CC2D2A: variants seen among roughly 807,000 people sequenced by gnomAD.
The protein encoded by CC2D2A is coiled-coil and C2 domain containing 2A.
A neutral mutation model predicts 212.9 loss-of-function variants in CC2D2A; 155 were observed. The ratio of observed to expected loss-of-function variants is 0.73; its 90% CI spans 0.64 to 0.83. The LOEUF (loss-of-function observed/expected upper bound fraction) is 0.83. Among genes scored for constraint, CC2D2A ranks in the 40% least tolerant of loss-of-function variants. The probability of loss-of-function intolerance (pLI) is 0.00; values close to 1 mark genes in which losing one functional copy is unlikely to be tolerated. For synonymous variants in CC2D2A, 667 were observed against 686.5 expected, an observed-to-expected ratio of 0.97 and a Z score of 0.44; for missense variants, 1,856 against 1,956.2, an observed-to-expected ratio of 0.95 and a Z score of 0.97.
At chr4:15,564,897 G>A (rs965918627) in intron 24 of CC2D2A, among the ~76,000 whole-genome samples, 2 of 151,954 alleles carry the variant, frequency 1.3e-5, no homozygotes, top group Non-Finnish European at 2.9e-5. Flanking sequence ...GGGTGGTCTC[G>A]GACTCCTGGC....
At chr4:15,582,037 G>A (rs558603865) in intron 30 of CC2D2A, among the ~76,000 whole-genome samples, 38 of 152,296 alleles carry the variant, frequency 2.5e-4, no homozygotes, top group African/African-American at 8.7e-4. Flanking sequence ...ATTATTGGAT[G>A]TAAAATATAA....
intron 6 of CC2D2A, among the ~76,000 whole-genome samples, chr4:15,503,933 G>C (rs10939618): frequency 0.94 from 143,454 of 152,242 alleles, 67,686 homozygotes; most frequent in African/African-American, 0.99. Flanking sequence ...AAAAGAAACA[G>C]AGAGATTTCA....
At chr4:15,544,994 T>C (rs1225856752) in intron 17 of CC2D2A, among the ~76,000 whole-genome samples, 5 of 152,222 alleles carry the variant, frequency 3.3e-5, no homozygotes, top group Non-Finnish European at 5.9e-5. Context: ...ACTAAGTTCT[T>C]AAGCTATTTA....
intron 4 of CC2D2A, among the ~76,000 whole-genome samples, chr4:15,500,404 A>T (rs1715879119): frequency 6.6e-6 from 1 of 152,092 alleles, no homozygotes; most frequent in South Asian, 2.1e-4. Flanking sequence ...AATCTACCAT[A>T]GTTATATTAT....
chr4:15,601,408 C>A lies in CC2D2A; in HGVS notation c.4846C>A (p.Leu1616Ile). The A allele has an allele frequency of 6.7e-7, 1 of 1,501,270 alleles. No individual in the cohort carries two copies. Among genetic ancestry groups the A allele is most frequent in the Non-Finnish European group, 8.9e-7 (1 of 1,120,354 alleles). 93.0% of individuals were successfully genotyped at this position (1,501,270 alleles called of 1,614,324 possible). Residue 1616 changes from leucine to isoleucine, a missense_variant, in exon 37 of 37, where the codon CTT (leucine) becomes ATT (isoleucine). Coordinates refer to ENST00000424120, the MANE Select transcript of CC2D2A (RefSeq NM_001378615.1). ...VLSVWIYVASLIRNR is the reference protein window; with the variant it reads ...VLSVWIYVASIIRNR ...GTCTGTTTGGATCTATGTTGCCTCT[C>A]TTATACGCAACAGGTAATTTTTTTC...
At chr4:15,502,963 A>G (rs752076497) in intron 6 of CC2D2A, 40 bp downstream of exon 6, 1 of 1,486,846 alleles carries the variant, frequency 6.7e-7, no homozygotes, top group South Asian at 1.3e-5. Flanking sequence ...AAAACCAGTA[A>G]AGCAGAATAT....
At chr4:15,573,999 G>A (rs568109308) in intron 28 of CC2D2A, 151 bp from the exon 29 acceptor site, 1 of 611,476 alleles carries the variant, frequency 1.6e-6, no homozygotes, top group East Asian at 2.8e-5. Flanking sequence ...CGAGTGCTTA[G>A]AGAGATGAGA....
At chr4:15,478,079 T>G (rs1714350951) in intron 2 of CC2D2A, among the ~76,000 whole-genome samples, 1 of 152,262 alleles carries the variant, frequency 6.6e-6, no homozygotes, top group Non-Finnish European at 1.5e-5. Flanking sequence ...TAAAACATTT[T>G]AGAGCTCGTA....
chr4:15,508,817 C>A (rs537961243), intron 6 of CC2D2A, among the ~76,000 whole-genome samples: 1 of 152,320 alleles, frequency 6.6e-6, no homozygotes, highest in South Asian at 2.1e-4. Flanking sequence ...AAATAATTCT[C>A]TGTCCATATA....
chr4:15,547,006 T>C (rs1718745730), intron 17 of CC2D2A, among the ~76,000 whole-genome samples: 1 of 151,918 alleles, frequency 6.6e-6, no homozygotes, highest in South Asian at 2.1e-4. Context: ...ATGGGAGAAT[T>C]CCCATTAAAA....
Position 15,601,095 on chromosome 4 carries a change from T to G in CC2D2A, c.4675-142T>G, listed in dbSNP as rs770604853. 2.4e-5 allele frequency: 17 copies of G among 701,188 alleles called. 1 individual carries two copies. Among genetic ancestry groups the G allele is most frequent in the Non-Finnish European group, 3.5e-5 (15 of 422,950 alleles). 43.4% of individuals were successfully genotyped at this position (701,188 alleles called of 1,614,324 possible). ...ATTAAGCAGCTCTCGATTTTCTGTA[T>G]TGCTAATAAAAAGCTGAGTAGAAAA... On this transcript the variant is annotated intron_variant, in intron 36 of 36. Transcript: ENST00000424120.
chr4:15,595,868 G>A (rs1172589391), intron 33 of CC2D2A: 6 of 351,440 alleles, frequency 1.7e-5, no homozygotes, highest in Non-Finnish European at 3.1e-5. Context: ...CCCAACTTCA[G>A]ATAAAAAATG....
chr4:15,585,382 A>C (rs1450177393), intron 30 of CC2D2A, among the ~76,000 whole-genome samples: 3 of 152,232 alleles, frequency 2.0e-5, no homozygotes, highest in Non-Finnish European at 4.4e-5. Context: ...AAGTGAAATA[A>C]GCCAGGACAG....
At chr4:15,519,345 A>C (rs1269218355) in intron 11 of CC2D2A, 1 of 414,350 alleles carries the variant, frequency 2.4e-6, no homozygotes, top group Non-Finnish European at 4.7e-6. Context: ...TTCATTGTCC[A>C]TATTATTATC....
At chr4:15,567,182 C>T (rs1202058131) in intron 24 of CC2D2A, among the ~76,000 whole-genome samples, 195 bp from the exon 25 acceptor site, 1 of 151,994 alleles carries the variant, frequency 6.6e-6, no homozygotes, top group Non-Finnish European at 1.5e-5. Flanking sequence ...ACTTGGGAGG[C>T]TGAGGTGGGA....
chr4:15,595,692 A>G (rs1443322244), intron 33 of CC2D2A, among the ~76,000 whole-genome samples: 1 of 152,206 alleles, frequency 6.6e-6, no homozygotes, highest in Non-Finnish European at 1.5e-5. Context: ...TATCTCAGAG[A>G]ATGCGCATTG....
intron 3 of CC2D2A, among the ~76,000 whole-genome samples, chr4:15,480,351 T>A (rs1179716103): frequency 6.6e-6 from 1 of 152,232 alleles, no homozygotes; most frequent in African/African-American, 2.4e-5. Context: ...AATTACCCAG[T>A]AACACTTTAG....
intron 5 of CC2D2A, 76 bp downstream of exon 5, chr4:15,502,593 C>T (rs1400842717): frequency 2.3e-6 from 3 of 1,283,156 alleles, no homozygotes; most frequent in East Asian, 4.7e-5. Flanking sequence ...ACTTTTTATG[C>T]TCCAAACTGC....
chr4:15,504,444 C>T (rs944382243), intron 6 of CC2D2A, among the ~76,000 whole-genome samples: 2 of 152,216 alleles, frequency 1.3e-5, no homozygotes, highest in Admixed American at 6.5e-5. Context: ...GTTATTTTGG[C>T]GGGCATATGA....
Sources: allele counts gnomAD v4.1 joint callset (sites outside exome capture counted in the v4.1 genomes callset), GRCh38; gene constraint gnomAD v4.1.1; transcripts MANE v1.5; gene names NCBI Gene and HGNC (gene_info 2026-07-23, HGNC 2026-07-21).